Variants in OR5T3 observed in about 807,000 individuals in gnomAD.
The protein encoded by OR5T3 is olfactory receptor family 5 subfamily T member 3.
A neutral mutation model predicts 14.0 loss-of-function variants in OR5T3; 14 were observed. The ratio of observed to expected loss-of-function variants is 1.00; its 90% CI spans 0.66 to 1.56. The LOEUF is 1.56. OR5T3 is among the 40% of genes most tolerant of loss of function. The pLI, the probability that OR5T3 is intolerant of heterozygous loss-of-function variation, is 0.00. For missense variants in OR5T3, 410 were observed against 374.2 expected, an observed-to-expected ratio of 1.10 and a Z score of -0.79; for synonymous variants, 150 against 137.2, an observed-to-expected ratio of 1.09 and a Z score of -0.65.
rs1386926733 is a variant in OR5T3 at position 56,252,960 on chromosome 11, C to T, written c.707C>T (p.Ser236Phe). 14 of 1,613,642 alleles carry T rather than the reference C, an allele frequency of 8.7e-6. No individual in the cohort carries two copies. The highest frequency in any genetic ancestry group is 1.3e-5 in the African/African-American group (1 of 74,874). Reference protein sequence around the residue: ...VLISCDFILLSILKMHSAKGR... With the variant: ...VLISCDFILLFILKMHSAKGR... ...ATTTCCTGTGATTTCATTCTGTTGT[C>T]CATTCTGAAGATGCATTCTGCTAAG... Residue 236 changes from serine (S) to phenylalanine (F), a missense_variant, in exon 1 of 1, where the codon TCC becomes TTC. Transcript: ENST00000313033.
Position 56,253,003 on chromosome 11 carries a change from C to G in OR5T3, c.750C>G (p.Phe250Leu). The change falls in exon 1 of 1, where the codon TTC becomes TTG. Residue 250 changes from phenylalanine (F) to leucine (L), a missense_variant. Coordinates refer to ENST00000313033, the MANE Select transcript of OR5T3 (RefSeq NM_001004747.2). Reference protein sequence around the residue: ...MHSAKGRQKAFSTCGSHLTGV... With the variant: ...MHSAKGRQKALSTCGSHLTGV... Reference sequence around the variant, plus strand: ...CTGCTAAGGGAAGGCAAAAGGCCTTCTCTACATGTGGCTCTCACCTAACTG... The same window carrying G: ...CTGCTAAGGGAAGGCAAAAGGCCTTGTCTACATGTGGCTCTCACCTAACTG... 1 of 1,613,550 alleles carries G rather than the reference C, an allele frequency of 6.2e-7. No individual in the cohort carries two copies. The highest frequency in any genetic ancestry group is 8.5e-7 in the Non-Finnish European group (1 of 1,179,566).
In OR5T3 at chr11:56,252,410, G is replaced by A; in HGVS notation, c.157G>A (p.Gly53Ser). The A allele has an allele frequency of 6.2e-7, 1 of 1,613,554 alleles. No individual in the cohort carries two copies. The highest frequency in any genetic ancestry group is 8.5e-7 in the Non-Finnish European group (1 of 1,179,660). ...FFAIYLFTLI[G>S]NLGLVVLVIE... ...TGCAATCTATCTCTTTACCTTGATA[G>A]GCAATTTAGGGCTGGTTGTGTTGGT... Residue 53 changes from glycine (G) to serine (S), a missense_variant, in exon 1 of 1, where the codon GGC becomes AGC. By Grantham distance (56) the Gly-to-Ser change is moderately conservative (BLOSUM62 0). Transcript: ENST00000313033.
Position 56,252,542 on chromosome 11 carries a change from T to C in OR5T3, c.289T>C (p.Phe97Leu), listed in dbSNP as rs1009504978. 1.2e-6 allele frequency: 2 copies of C among 1,613,784 alleles called. No homozygotes were observed. Among genetic ancestry groups the C allele is most frequent in the Non-Finnish European group, 1.7e-6 (2 of 1,179,838 alleles). Reference protein sequence around the residue: ...TVVTPKMLVNFLAKNKSISFI... With the variant: ...TVVTPKMLVNLLAKNKSISFI... ...TGTCACTCCAAAAATGTTGGTCAAT[T>C]TCCTGGCAAAAAATAAATCCATTTC... The change falls in exon 1 of 1, where the codon TTC (phenylalanine) becomes CTC (leucine). Residue 97 changes from phenylalanine (F) to leucine (L), a missense_variant. Phe to Leu is a conservative substitution (Grantham distance 22). Transcript: ENST00000313033.
In OR5T3 at chr11:56,253,045, T is replaced by A; in HGVS notation, c.792T>A (p.His264Gln). The A allele has an allele frequency of 2.5e-6, 4 of 1,613,798 alleles. No individual in the cohort carries two copies. Among genetic ancestry groups the A allele is most frequent in the Non-Finnish European group, 3.4e-6 (4 of 1,179,766 alleles). Residue 264 changes from histidine (H) to glutamine (Q), a missense_variant, in exon 1 of 1, where the codon CAT becomes CAA. Coordinates refer to ENST00000313033, the MANE Select transcript of OR5T3 (RefSeq NM_001004747.2). ...GSHLTGVTIY[H>Q]GTILVSYMRP... ...ACCTAACTGGAGTGACAATTTATCA[T>A]GGAACAATTCTCGTCAGTTATATGA...
chr11:56,252,304 C>T lies in OR5T3; in HGVS notation c.51C>T (p.Asn17=). Residue 17 remains asparagine (N), a synonymous_variant, in exon 1 of 1, where the codon AAC becomes AAT. Coordinates refer to ENST00000313033, the MANE Select transcript of OR5T3 (RefSeq NM_001004747.2). The part of the protein sequence containing the change: ...GLDIYRNPLK[N]KTEVTMFILT... ...ATATATACAGGAATCCACTGAAGAA[C>T]AAGACTGAAGTCACCATGTTTATAT... 6.2e-7 allele frequency: 1 copy of T among 1,612,764 alleles called. No homozygotes were observed. The highest frequency in any genetic ancestry group is 8.5e-7 in the Non-Finnish European group (1 of 1,178,938).
Position 56,252,411 on chromosome 11 carries a change from G to A in OR5T3, c.158G>A (p.Gly53Asp), listed in dbSNP as rs139236535. 2 of 1,613,282 alleles carry A rather than the reference G, an allele frequency of 1.2e-6. No individual in the cohort carries two copies. Among genetic ancestry groups the A allele is most frequent in the African/African-American group, 2.7e-5 (2 of 74,840 alleles). ...FFAIYLFTLI[G>D]NLGLVVLVIE... Reference sequence around the variant, plus strand: ...GCAATCTATCTCTTTACCTTGATAGGCAATTTAGGGCTGGTTGTGTTGGTC... The same window carrying A: ...GCAATCTATCTCTTTACCTTGATAGACAATTTAGGGCTGGTTGTGTTGGTC... Residue 53 changes from glycine to aspartate, a missense_variant, in exon 1 of 1, where the codon GGC (glycine) becomes GAC (aspartate). Transcript: ENST00000313033.
chr11:56,253,210 G>A lies in OR5T3; in HGVS notation c.957G>A (p.Leu319=), dbSNP rs747012929. Residue 319 remains leucine (L), a synonymous_variant, in exon 1 of 1, where the codon TTG becomes TTA. Transcript: ENST00000313033. Reference sequence around the variant, plus strand: ...AGGCAGTGAAGAAAATGTTGAAATTGGTTTACAAATGAAGAATATATTTAA... The same window carrying A: ...AGGCAGTGAAGAAAATGTTGAAATTAGTTTACAAATGAAGAATATATTTAA... ...VKKAVKKMLK[L]VYK 8 of 1,541,730 alleles carry A rather than the reference G, an allele frequency of 5.2e-6. No homozygotes were observed. In the South Asian group the frequency reaches 6.1e-5, roughly 12 times the overall value.
chr11:56,252,920 A>C lies in OR5T3; in HGVS notation c.667A>C (p.Ile223Leu). Reference sequence around the variant, plus strand: ...TGTGGGTTCTATTGAGATAGTCACTATCCTGATTGTCCTCATTTCCTGTGA... The same window carrying C: ...TGTGGGTTCTATTGAGATAGTCACTCTCCTGATTGTCCTCATTTCCTGTGA... ...YFVGSIEIVT[I>L]LIVLISCDFI... Residue 223 changes from isoleucine to leucine, a missense_variant, in exon 1 of 1, where the codon ATC (isoleucine) becomes CTC (leucine). Coordinates refer to ENST00000313033, the MANE Select transcript of OR5T3 (RefSeq NM_001004747.2). 1 of 1,613,778 alleles carries C rather than the reference A, an allele frequency of 6.2e-7. No homozygotes were observed. Among genetic ancestry groups the C allele is most frequent in the Non-Finnish European group, 8.5e-7 (1 of 1,179,776 alleles).
At position 56,252,935 on chromosome 11, in the gene OR5T3, A is replaced by T. The variant is rs762876897; in HGVS notation, c.682A>T (p.Ile228Phe). ...GATAGTCACTATCCTGATTGTCCTC[A>T]TTTCCTGTGATTTCATTCTGTTGTC... is the stretch of plus-strand genomic sequence containing the variant. ...IEIVTILIVL[I>F]SCDFILLSIL... is the part of the protein sequence containing the mutation. The change falls in exon 1 of 1, where the codon ATT (isoleucine) becomes TTT (phenylalanine). Residue 228 changes from isoleucine (I) to phenylalanine (F), a missense_variant. Ile to Phe is a conservative substitution (Grantham distance 21, BLOSUM62 0). Coordinates refer to ENST00000313033, the MANE Select transcript of OR5T3 (RefSeq NM_001004747.2). 1.2e-6 allele frequency: 2 copies of T among 1,613,756 alleles called. No individual in the cohort carries two copies. The highest frequency in any genetic ancestry group is 1.7e-6 in the Non-Finnish European group (2 of 1,179,800).
In OR5T3 at chr11:56,252,617, ACAG is replaced by A; in HGVS notation, c.365_367del (p.Thr122_Glu123delinsLys). On this transcript the variant is annotated inframe_deletion, in exon 1 of 1. Transcript: ENST00000313033. ...GCTTCTTTTTGTTACTTTTGGAACT[ACAG>A]AATGTTTTCTCTTGGCTGCAATGGC... is the stretch of plus-strand genomic sequence containing the variant. The A allele has an allele frequency of 6.2e-7, 1 of 1,613,956 alleles. No homozygotes were observed. The highest frequency in any genetic ancestry group is 2.2e-5 in the East Asian group (1 of 44,872).
Position 56,252,958 on chromosome 11 carries a change from G to T in OR5T3, c.705G>T (p.Leu235Phe). The T allele has an allele frequency of 6.2e-7, 1 of 1,613,718 alleles. No homozygotes were observed. Among genetic ancestry groups the T allele is most frequent in the Non-Finnish European group, 8.5e-7 (1 of 1,179,816 alleles). ...IVLISCDFILLSILKMHSAKG... is the reference protein window; with the variant it reads ...IVLISCDFILFSILKMHSAKG... ...TCATTTCCTGTGATTTCATTCTGTTGTCCATTCTGAAGATGCATTCTGCTA... is the reference window on the plus strand; with the variant it reads ...TCATTTCCTGTGATTTCATTCTGTTTTCCATTCTGAAGATGCATTCTGCTA... The change falls in exon 1 of 1, where the codon TTG (leucine) becomes TTT (phenylalanine). Residue 235 changes from leucine (L) to phenylalanine (F), a missense_variant. Leu to Phe is a conservative substitution (Grantham distance 22). Transcript: ENST00000313033.
chr11:56,252,905 A>G lies in OR5T3; in HGVS notation c.652A>G (p.Ile218Val), dbSNP rs747028171. Residue 218 changes from isoleucine (I) to valine (V), a missense_variant, in exon 1 of 1, where the codon ATT becomes GTT. Transcript: ENST00000313033. Reference sequence around the variant, plus strand: ...TCTACTCTTCTACTTTGTGGGTTCTATTGAGATAGTCACTATCCTGATTGT... The same window carrying G: ...TCTACTCTTCTACTTTGTGGGTTCTGTTGAGATAGTCACTATCCTGATTGT... ...QLLLFYFVGS[I>V]EIVTILIVLI... is the part of the protein sequence containing the mutation. 6.8e-6 allele frequency: 11 copies of G among 1,613,600 alleles called. No individual in the cohort carries two copies. The highest frequency in any genetic ancestry group is 1.7e-5 in the Admixed American group (1 of 59,942).
Position 56,252,589 on chromosome 11 carries a change from G to T in OR5T3, c.336G>T (p.Gln112His), listed in dbSNP as rs773752456. 6.2e-7 allele frequency: 1 copy of T among 1,613,956 alleles called. No individual in the cohort carries two copies. The highest frequency in any genetic ancestry group is 1.1e-5 in the South Asian group (1 of 91,084). Residue 112 changes from glutamine (Q) to histidine (H), a missense_variant, in exon 1 of 1, where the codon CAG becomes CAT. Gln to His is a conservative substitution (Grantham distance 24). Transcript: ENST00000313033. ...KSISFIGCAT[Q>H]MLLFVTFGTT... ...TTTCATTTATCGGATGTGCAACACA[G>T]ATGCTTCTTTTTGTTACTTTTGGAA...
In OR5T3 at chr11:56,253,055, C is replaced by T; in HGVS notation, c.802C>T (p.Leu268Phe). 3 of 1,613,668 alleles carry T rather than the reference C, an allele frequency of 1.9e-6. No individual in the cohort carries two copies. Among genetic ancestry groups the T allele is most frequent in the Non-Finnish European group, 2.5e-6 (3 of 1,179,702 alleles). The change falls in exon 1 of 1, where the codon CTC (leucine) becomes TTC (phenylalanine). Residue 268 changes from leucine (L) to phenylalanine (F), a missense_variant. Physicochemically the swap from Leu to Phe is conservative, Grantham distance 22. Transcript: ENST00000313033. ...TGVTIYHGTI[L>F]VSYMRPSSSY... The stretch of plus-strand genomic sequence containing the variant: ...AGTGACAATTTATCATGGAACAATT[C>T]TCGTCAGTTATATGAGACCAAGTTC...
rs1322031279 is a variant in OR5T3, at chr11:56,252,288, G to A, written c.35G>A (p.Arg12Lys). 6.2e-7 allele frequency: 1 copy of A among 1,611,588 alleles called. No homozygotes were observed. Among genetic ancestry groups the A allele is most frequent in the Non-Finnish European group, 8.5e-7 (1 of 1,177,942 alleles). ...DKLSSGLDIY[R>K]NPLKNKTEVT... is the part of the protein sequence containing the mutation. ...TTGTCATCAGGTTTGGATATATACAGGAATCCACTGAAGAACAAGACTGAA... is the reference window on the plus strand; with the variant it reads ...TTGTCATCAGGTTTGGATATATACAAGAATCCACTGAAGAACAAGACTGAA... Residue 12 changes from arginine to lysine, a missense_variant, in exon 1 of 1, where the codon AGG becomes AAG. Coordinates refer to ENST00000313033, the MANE Select transcript of OR5T3 (RefSeq NM_001004747.2).
At position 56,253,148 on chromosome 11, in the gene OR5T3, C is replaced by T. The variant is rs753480479; in HGVS notation, c.895C>T (p.Pro299Ser). 12 of 1,609,644 alleles carry T rather than the reference C, an allele frequency of 7.5e-6. No homozygotes were observed. The African/African-American group carries it at 1.5e-4, about 20-fold the overall frequency. ...CACAATTGTGATTCCCAAGTTGAAT[C>T]CCATCATCTATAGTTTGAGGAACAA... Reference protein sequence around the residue: ...FYTIVIPKLNPIIYSLRNKEV... With the variant: ...FYTIVIPKLNSIIYSLRNKEV... Residue 299 changes from proline (P) to serine (S), a missense_variant, in exon 1 of 1, where the codon CCC becomes TCC. Physicochemically the swap from Pro to Ser is moderately conservative, Grantham distance 74 (BLOSUM62 -1). Coordinates refer to ENST00000313033, the MANE Select transcript of OR5T3 (RefSeq NM_001004747.2).
In OR5T3 at chr11:56,252,543, T is replaced by C; in HGVS notation, c.290T>C (p.Phe97Ser). 1.2e-6 allele frequency: 2 copies of C among 1,613,890 alleles called. No homozygotes were observed. The highest frequency in any genetic ancestry group is 2.2e-5 in the South Asian group (2 of 91,080). ...TVVTPKMLVN[F>S]LAKNKSISFI... ...GTCACTCCAAAAATGTTGGTCAATT[T>C]CCTGGCAAAAAATAAATCCATTTCA... is the stretch of plus-strand genomic sequence containing the variant. Residue 97 changes from phenylalanine to serine, a missense_variant, in exon 1 of 1, where the codon TTC becomes TCC. Transcript: ENST00000313033.
At position 56,252,644 on chromosome 11, in the gene OR5T3, G is replaced by T; in HGVS notation, c.391G>T (p.Ala131Ser). 6.2e-7 allele frequency: 1 copy of T among 1,613,814 alleles called. No homozygotes were observed. Among genetic ancestry groups the T allele is most frequent in the Non-Finnish European group, 8.5e-7 (1 of 1,179,828 alleles). ...AGAATGTTTTCTCTTGGCTGCAATG[G>T]CTTATGATCACTATGTAGCCATCTA... is the stretch of plus-strand genomic sequence containing the variant. ...TTECFLLAAM[A>S]YDHYVAIYNP... The change falls in exon 1 of 1, where the codon GCT (alanine) becomes TCT (serine). Residue 131 changes from alanine to serine, a missense_variant. Coordinates refer to ENST00000313033, the MANE Select transcript of OR5T3 (RefSeq NM_001004747.2).
rs267602999 is a variant in OR5T3 at position 56,252,978 on chromosome 11, C to T, written c.725C>T (p.Ser242Phe). 6.2e-7 allele frequency: 1 copy of T among 1,613,674 alleles called. No individual in the cohort carries two copies. Among genetic ancestry groups the T allele is most frequent in the Non-Finnish European group, 8.5e-7 (1 of 1,179,712 alleles). Residue 242 changes from serine to phenylalanine, a missense_variant, in exon 1 of 1, where the codon TCT becomes TTT. By Grantham distance (155) the Ser-to-Phe change is radical. Transcript: ENST00000313033. ...CTGTTGTCCATTCTGAAGATGCATTCTGCTAAGGGAAGGCAAAAGGCCTTC... is the reference window on the plus strand; with the variant it reads ...CTGTTGTCCATTCTGAAGATGCATTTTGCTAAGGGAAGGCAAAAGGCCTTC... ...FILLSILKMH[S>F]AKGRQKAFST...
Sources: gnomAD v4.1 joint callset for allele counts on GRCh38, gnomAD v4.1.1 for gene constraint, MANE v1.5 for transcripts, NCBI Gene and HGNC (gene_info 2026-07-23, HGNC 2026-07-21) for gene names.